Variants in GPATCH2L observed in about 807,000 individuals in gnomAD.
GPATCH2L encodes G-patch domain containing 2 like.
A neutral mutation model predicts 57.4 loss-of-function variants in GPATCH2L; 31 were observed. That is an observed-to-expected ratio of 0.54 (90% CI 0.41 to 0.73). GPATCH2L has a LOEUF of 0.73. Ranked by LOEUF, GPATCH2L falls within the 30% of genes least tolerant of loss-of-function variation. The pLI is 0.00. For missense variants in GPATCH2L, 481 were observed against 599.9 expected (o/e 0.80, Z 2.07); for synonymous variants, 199 against 210.7 (o/e 0.94, Z 0.48).
At chr14:76,184,221 T>C (rs2039685931) in intron 8 of GPATCH2L, among the ~76,000 whole-genome samples, 1 of 152,190 alleles carries the variant, frequency 6.6e-6, no homozygotes, top group African/African-American at 2.4e-5. Flanking sequence ...TCATGGAATT[T>C]TTAATGGCCC....
intron 1 of GPATCH2L, among the ~76,000 whole-genome samples, chr14:76,220,482 A>G (rs1236632672): frequency 6.6e-6 from 1 of 152,242 alleles, no homozygotes; most frequent in African/African-American, 2.4e-5. Flanking sequence ...GCAACTAATA[A>G]TATAGCTTCA....
intron 2 of GPATCH2L, among the ~76,000 whole-genome samples, chr14:76,231,219 A>T (rs748616721): frequency 6.6e-6 from 1 of 152,204 alleles, no homozygotes; most frequent in Non-Finnish European, 1.5e-5. Flanking sequence ...GCCTCCCTCA[A>T]GGAACGAAGC....
intron 2 of GPATCH2L, among the ~76,000 whole-genome samples, chr14:76,232,002 T>C (rs2040569416): frequency 1.3e-5 from 2 of 151,972 alleles, no homozygotes; most frequent in African/African-American, 2.4e-5. Context: ...GCAGCCTCAC[T>C]GCAGGCTCAA....
chr14:76,195,760 G>A (rs752912671), intron 8 of GPATCH2L, 118 bp from the exon 9 acceptor site: 14 of 740,284 alleles, frequency 1.9e-5, no homozygotes, highest in African/African-American at 3.5e-5. Context: ...AATGGCAAAA[G>A]ATGGTGCCCA....
intron 2 of GPATCH2L, among the ~76,000 whole-genome samples, chr14:76,164,474 G>A (rs2038739703): frequency 2.0e-5 from 3 of 152,162 alleles, no homozygotes; most frequent in Admixed American, 2.0e-4. Context: ...GTGTCTAGTT[G>A]AGAACCGTAG....
intron 4 of GPATCH2L, among the ~76,000 whole-genome samples, chr14:76,172,322 G>A (rs1263163983): frequency 6.6e-6 from 1 of 152,160 alleles, no homozygotes; most frequent in African/African-American, 2.4e-5. Flanking sequence ...AAACTAAGAG[G>A]TTATTGAGTA....
At chr14:76,229,163 G>A (rs2040549323) in intron 1 of GPATCH2L, among the ~76,000 whole-genome samples, 1 of 152,230 alleles carries the variant, frequency 6.6e-6, no homozygotes, top group Non-Finnish European at 1.5e-5. Flanking sequence ...CCCTGTGTCA[G>A]GAGCTAGGCT....
intron 1 of GPATCH2L, among the ~76,000 whole-genome samples, chr14:76,220,696 G>C (rs1163090131): frequency 6.6e-6 from 1 of 152,074 alleles, no homozygotes; most frequent in African/African-American, 2.4e-5. Flanking sequence ...GGTCTTTAAA[G>C]TAAGTCCCAA....
At chr14:76,178,426 C>T (rs187311304) in intron 7 of GPATCH2L, 8 of 328,976 alleles carry the variant, frequency 2.4e-5, no homozygotes, top group Middle Eastern at 4.4e-4. Context: ...TCCATGGACC[C>T]GGGTTGGGGG....
chr14:76,235,366 G>A (rs2040594161), intron 2 of GPATCH2L, among the ~76,000 whole-genome samples: 1 of 152,050 alleles, frequency 6.6e-6, no homozygotes. Flanking sequence ...TGTTCTTGTG[G>A]TAGGCTTAAC....
intron 1 of GPATCH2L, among the ~76,000 whole-genome samples, chr14:76,220,955 C>G (rs1252287102): frequency 6.6e-6 from 1 of 151,106 alleles, no homozygotes; most frequent in Non-Finnish European, 1.5e-5. Context: ...GTACGCATCT[C>G]AAAAAGTAGA....
chr14:76,189,299 T>C (rs1343721157), intron 8 of GPATCH2L, among the ~76,000 whole-genome samples: 2 of 152,182 alleles, frequency 1.3e-5, no homozygotes, highest in African/African-American at 4.8e-5. Flanking sequence ...TTGGCTAGTA[T>C]GGACATTTTA....
intron 8 of GPATCH2L, among the ~76,000 whole-genome samples, chr14:76,190,609 C>G (rs1437103358): frequency 6.6e-6 from 1 of 152,116 alleles, no homozygotes; most frequent in Non-Finnish European, 1.5e-5. Flanking sequence ...TACTGGGGAA[C>G]AGTATTTTTA....
intron 3 of GPATCH2L, 40 bp from the exon 4 acceptor site, chr14:76,171,803 G>A (rs1466016481): frequency 1.5e-6 from 2 of 1,308,090 alleles, no homozygotes; most frequent in East Asian, 5.1e-5. Flanking sequence ...CTCAGACCTT[G>A]TTTAAAATTC....
intron 2 of GPATCH2L, among the ~76,000 whole-genome samples, chr14:76,157,525 T>C (rs1488294433): frequency 6.6e-6 from 1 of 152,250 alleles, no homozygotes; most frequent in Non-Finnish European, 1.5e-5. Context: ...TCTACTTGGA[T>C]GTGCCACTGT....
chr14:76,166,468 T>G (rs2038843546), intron 2 of GPATCH2L, among the ~76,000 whole-genome samples, 195 bp from the exon 3 acceptor site: 1 of 152,196 alleles, frequency 6.6e-6, no homozygotes, highest in South Asian at 2.1e-4. Flanking sequence ...TAAGTGAAAA[T>G]TTTAGAATTC....
At chr14:76,176,509 A>C in intron 5 of GPATCH2L, 114 bp from the exon 6 acceptor site, 2 of 722,758 alleles carry the variant, frequency 2.8e-6, no homozygotes, top group Non-Finnish European at 5.0e-6. Flanking sequence ...TTGACTTTTA[A>C]CATGTGCCTT....
intron 1 of GPATCH2L, among the ~76,000 whole-genome samples, chr14:76,223,971 A>G (rs953622474): frequency 6.6e-6 from 1 of 152,254 alleles, no homozygotes; most frequent in Admixed American, 6.5e-5. Context: ...ACAATAAACT[A>G]AAAGTGAAAA....
At chr14:76,187,523 TAAAGAA>T (rs1420855193) in intron 8 of GPATCH2L, among the ~76,000 whole-genome samples, 1 of 152,160 alleles carries the variant, frequency 6.6e-6, no homozygotes, top group Middle Eastern at 3.2e-3. Flanking sequence ...TTACTTGTGT[TAAAGAA>T]AAAGTATAGA....
Sources: gnomAD v4.1 joint callset for allele counts (sites outside exome capture counted in the v4.1 genomes callset) on GRCh38, gnomAD v4.1.1 for gene constraint, MANE v1.5 for transcripts, NCBI Gene and HGNC (gene_info 2026-07-23, HGNC 2026-07-21) for gene names.